The following GRID2 variants were observed in gnomAD, a reference collection of about 807,000 sequenced individuals.
GRID2 encodes the protein glutamate ionotropic receptor delta type subunit 2.
In GRID2, 33 loss-of-function variants were observed where a neutral mutation model predicts 114.8. That is an observed-to-expected ratio of 0.29 (90% confidence interval 0.22 to 0.38). The LOEUF (loss-of-function observed/expected upper bound fraction) is 0.38, where lower values mean the gene tolerates loss of function less well. Among genes scored for constraint, GRID2 ranks in the 10% least tolerant of loss-of-function variants. GRID2 has a pLI of 1.00. For synonymous variants in GRID2, 505 were observed against 449.9 expected (o/e 1.12, Z -1.55); for missense variants, 1,184 against 1,257.7 (o/e 0.94, Z 0.89).
rs567538133 is a variant in GRID2, at chr4:92,907,814, A to T, written c.245-177181A>T. Among the ~76,000 whole-genome samples, 632 of 152,084 alleles carry T rather than the reference A, an allele frequency of 4.2e-3. 7 individuals are homozygous for T. Among genetic ancestry groups the T allele is most frequent in the African/African-American group, 0.014 (596 of 41,532 alleles). On this transcript the variant is annotated intron_variant, in intron 2 of 15. Coordinates refer to ENST00000282020, the MANE Select transcript of GRID2 (RefSeq NM_001510.4). ...CGACATGGGCAGATCACCTGAGGTTAGGAGTTCGAGACCAGCCTGACCAAC... is the reference window on the plus strand; with the variant it reads ...CGACATGGGCAGATCACCTGAGGTTTGGAGTTCGAGACCAGCCTGACCAAC...
intron 8 of GRID2, among the ~76,000 whole-genome samples, chr4:93,358,807 C>T (rs1435686892): frequency 6.6e-6 from 1 of 151,948 alleles, no homozygotes; most frequent in Non-Finnish European, 1.5e-5. Context: ...ATTAAGTCTG[C>T]TACTACTATT....
chr4:93,409,492 A>C (rs1319078071), intron 9 of GRID2, among the ~76,000 whole-genome samples: 2 of 152,196 alleles, frequency 1.3e-5, no homozygotes, highest in African/African-American at 4.8e-5. Flanking sequence ...TATGCTGATG[A>C]AAGTTGAAGT....
chr4:93,656,829 CAAAAAAAAA>C (rs61508444), intron 14 of GRID2, among the ~76,000 whole-genome samples: 63 of 31,908 alleles, frequency 2.0e-3, no homozygotes, highest in African/African-American at 6.7e-3. Context: ...GACTCTGCCT[CAAAAAAAAA>C]AAAAAAAAAA....
intron 3 of GRID2, among the ~76,000 whole-genome samples, chr4:93,104,586 C>G (rs1243829812): frequency 6.6e-6 from 1 of 151,990 alleles, no homozygotes; most frequent in Non-Finnish European, 1.5e-5. Flanking sequence ...CAATAGTTTA[C>G]TGAGAATGAT....
intron 8 of GRID2, among the ~76,000 whole-genome samples, chr4:93,332,288 G>A (rs1273127038): frequency 7.8e-6 from 1 of 128,560 alleles, no homozygotes; most frequent in African/African-American, 3.5e-5. Context: ...GTGTGTGTGT[G>A]TGTGTGTGTG....
Position 93,002,898 on chromosome 4 carries a change from G to A in GRID2, c.245-82097G>A, listed in dbSNP as rs376918727. ...TCTTCATCTTTTCTAACTTCTAGAG[G>A]TCACCTGCCTTCCTTGTTTGCTGAC... On this transcript the variant is annotated intron_variant, in intron 2 of 15. Transcript: ENST00000282020. 1.1e-4 allele frequency among the ~76,000 whole-genome samples: 17 copies of A among 151,794 alleles called. 1 individual carries two copies. Among genetic ancestry groups the A allele is most frequent in the African/African-American group, 4.1e-4 (17 of 41,482 alleles).
chr4:92,648,340 C>A (rs1173019425), intron 2 of GRID2, among the ~76,000 whole-genome samples: 2 of 149,542 alleles, frequency 1.3e-5, no homozygotes, highest in Non-Finnish European at 3.0e-5. Context: ...GCAGTATAAG[C>A]CTCCTCATTT....
chr4:92,572,316 T>G (rs1056483495), intron 1 of GRID2, among the ~76,000 whole-genome samples: 3 of 152,054 alleles, frequency 2.0e-5, no homozygotes, highest in African/African-American at 4.8e-5. Context: ...ACATACACCC[T>G]CCCAAGACTA....
chr4:92,349,468 T>C (rs990214740), intron 1 of GRID2, among the ~76,000 whole-genome samples: 18 of 151,812 alleles, frequency 1.2e-4, no homozygotes, highest in Admixed American at 1.1e-3. Context: ...CAAGGGGAAA[T>C]TAATTAAACT....
intron 2 of GRID2, among the ~76,000 whole-genome samples, chr4:92,765,444 G>A (rs563530890): frequency 6.6e-6 from 1 of 152,098 alleles, no homozygotes; most frequent in Non-Finnish European, 1.5e-5. Context: ...AGCTGTCGTT[G>A]ATCTCCAGGA....
At chr4:92,442,868 A>G (rs1395953330) in intron 1 of GRID2, among the ~76,000 whole-genome samples, 14 of 152,130 alleles carry the variant, frequency 9.2e-5, no homozygotes, top group Non-Finnish European at 1.9e-4. Flanking sequence ...TTTTAAGAGT[A>G]AATTGTTGGG....
In GRID2 at chr4:92,542,608, A is replaced by G. The variant is rs544099321; in HGVS notation, c.89-47523A>G. ...AAGATGCAGAGCATAAGAATGATAT[A>G]ATGGACTCTGGGGACTCGGTGGGAG... On this transcript the variant is annotated intron_variant, in intron 1 of 15. Coordinates refer to ENST00000282020, the MANE Select transcript of GRID2 (RefSeq NM_001510.4). Among the ~76,000 whole-genome samples the G allele has an allele frequency of 3.3e-5, 5 of 152,018 alleles. No homozygotes were observed. The South Asian group carries it at 1.0e-3, about 32-fold the overall frequency.
chr4:93,371,895 C>G (rs1370702567), intron 8 of GRID2, among the ~76,000 whole-genome samples: 1 of 151,292 alleles, frequency 6.6e-6, no homozygotes, highest in South Asian at 2.1e-4. Flanking sequence ...TTACAGGCAC[C>G]CACCACCACA....
intron 2 of GRID2, among the ~76,000 whole-genome samples, chr4:92,754,771 A>G (rs1427330467): frequency 6.6e-6 from 1 of 152,216 alleles, no homozygotes; most frequent in Non-Finnish European, 1.5e-5. Context: ...GGACAAATTC[A>G]GATGAGCAAA....
At chr4:92,947,915 T>C (rs1392842214) in intron 2 of GRID2, among the ~76,000 whole-genome samples, 2 of 151,928 alleles carry the variant, frequency 1.3e-5, no homozygotes, top group Non-Finnish European at 2.9e-5. Context: ...TTGTAAAATA[T>C]CATTTTACAT....
At chr4:92,553,391 A>G (rs2149174819) in intron 1 of GRID2, among the ~76,000 whole-genome samples, 1 of 152,332 alleles carries the variant, frequency 6.6e-6, no homozygotes, top group East Asian at 1.9e-4. Context: ...AGAATATACC[A>G]TGAGCAAAAG....
chr4:93,340,833 A>G (rs1759573102), intron 8 of GRID2, among the ~76,000 whole-genome samples: 1 of 152,162 alleles, frequency 6.6e-6, no homozygotes, highest in Non-Finnish European at 1.5e-5. Context: ...CCTGGCAGCA[A>G]CATGGGGAAA....
intron 8 of GRID2, among the ~76,000 whole-genome samples, chr4:93,389,792 CT>C (rs372343031): frequency 2.5e-3 from 364 of 143,734 alleles, no homozygotes; most frequent in Middle Eastern, 0.024. Flanking sequence ...TTTTTTTTTT[CT>C]TTTTTTTTTC....
chr4:92,482,998 C>T (rs1722691281), intron 1 of GRID2, among the ~76,000 whole-genome samples: 1 of 152,110 alleles, frequency 6.6e-6, no homozygotes, highest in South Asian at 2.1e-4. Context: ...ACAGAATACA[C>T]TAGACACATC....
Sources: allele counts gnomAD v4.1 joint callset (sites outside exome capture counted in the v4.1 genomes callset), GRCh38; gene constraint gnomAD v4.1.1; transcripts MANE v1.5; gene names NCBI Gene and HGNC (gene_info 2026-07-23, HGNC 2026-07-21).